The following KHDRBS3 variants were observed in gnomAD, a reference collection of about 807,000 sequenced individuals.
KHDRBS3 encodes KH RNA binding domain containing, signal transduction associated 3, also known as KH domain-containing, RNA-binding, signal transduction-associated protein 3.
KHDRBS3 carries 23 observed loss-of-function variants against 45.6 expected under a neutral mutation model. The observed-to-expected ratio is 0.50, with a 90% CI of 0.36 to 0.72. KHDRBS3 has a LOEUF of 0.72. KHDRBS3 is among the 30% of genes least tolerant of loss of function. KHDRBS3 has a pLI of 0.00. For synonymous variants in KHDRBS3, 162 were observed against 156.5 expected (o/e 1.04, Z -0.26); for missense variants, 352 against 424.8 (o/e 0.83, Z 1.51).
intron 2 of KHDRBS3, among the ~76,000 whole-genome samples, chr8:135,534,380 C>T (rs1825631545): frequency 6.6e-6 from 1 of 152,120 alleles, no homozygotes; most frequent in South Asian, 2.1e-4. Flanking sequence ...GTGATTAATA[C>T]TTTCGGGGCA....
intron 1 of KHDRBS3, among the ~76,000 whole-genome samples, chr8:135,460,939 A>G (rs996539127): frequency 6.6e-6 from 1 of 152,226 alleles, no homozygotes; most frequent in Non-Finnish European, 1.5e-5. Flanking sequence ...TTCTTGAGCT[A>G]GGATGACAAT....
chr8:135,633,484 C>G (rs1050034362), intron 7 of KHDRBS3, among the ~76,000 whole-genome samples: 8 of 152,282 alleles, frequency 5.3e-5, no homozygotes, highest in African/African-American at 1.9e-4. Context: ...TCAGGTGAGT[C>G]TGCTTTCCTC....
chr8:135,578,989 T>C (rs1428551450), intron 5 of KHDRBS3, among the ~76,000 whole-genome samples: 1 of 152,210 alleles, frequency 6.6e-6, no homozygotes, highest in Admixed American at 6.5e-5. Flanking sequence ...ATTCCAATTA[T>C]TTATTGCTGG....
chr8:135,594,237 G>A (rs1828874749), intron 6 of KHDRBS3, among the ~76,000 whole-genome samples: 1 of 152,206 alleles, frequency 6.6e-6, no homozygotes, highest in Non-Finnish European at 1.5e-5. Context: ...GTTGGGTTGG[G>A]TGACAGAAGT....
chr8:135,490,062 C>T (rs2130406846), intron 1 of KHDRBS3, among the ~76,000 whole-genome samples: 1 of 152,312 alleles, frequency 6.6e-6, no homozygotes, highest in Middle Eastern at 3.4e-3. Context: ...TAACATGCCA[C>T]ATGCCATACA....
chr8:135,587,029 G>T (rs1483241458), intron 6 of KHDRBS3, among the ~76,000 whole-genome samples: 1 of 152,134 alleles, frequency 6.6e-6, no homozygotes, highest in Admixed American at 6.5e-5. Context: ...TTAGTCAACG[G>T]TATCTGTTCT....
chr8:135,464,886 G>A (rs1486501288), intron 1 of KHDRBS3, among the ~76,000 whole-genome samples: 1 of 152,146 alleles, frequency 6.6e-6, no homozygotes, highest in African/African-American at 2.4e-5. Flanking sequence ...CACTATGTAG[G>A]GCACCTGTTA....
intron 5 of KHDRBS3, among the ~76,000 whole-genome samples, chr8:135,575,167 G>A (rs1168184952): frequency 3.9e-5 from 6 of 152,136 alleles, no homozygotes; most frequent in South Asian, 2.1e-4. Flanking sequence ...GTGAGCTGAC[G>A]AAAAAGTGTT....
intron 7 of KHDRBS3, chr8:135,625,607 G>A: frequency 1.1e-6 from 1 of 945,036 alleles, no homozygotes; most frequent in South Asian, 1.3e-5. Flanking sequence ...GGCAGCCACA[G>A]GGTCAGTCTT....
intron 1 of KHDRBS3, among the ~76,000 whole-genome samples, chr8:135,466,871 C>CTG (rs1401271030): frequency 1.8e-4 from 28 of 152,172 alleles, no homozygotes; most frequent in African/African-American, 6.3e-4. Context: ...CTGAGTTGAC[C>CTG]TGTGTGTTCT....
intron 6 of KHDRBS3, among the ~76,000 whole-genome samples, chr8:135,587,703 G>C (rs750246538): frequency 8.5e-5 from 13 of 152,138 alleles, no homozygotes; most frequent in Non-Finnish European, 1.3e-4. Context: ...AATTTAAAAT[G>C]CTGGTGTAAT....
At chr8:135,619,553 G>A (rs1001918203) in intron 7 of KHDRBS3, among the ~76,000 whole-genome samples, 1 of 152,196 alleles carries the variant, frequency 6.6e-6, no homozygotes, top group African/African-American at 2.4e-5. Context: ...AGAGTAAAAT[G>A]GGGATGACAA....
intron 1 of KHDRBS3, among the ~76,000 whole-genome samples, chr8:135,473,738 G>T (rs922011661): frequency 1.3e-5 from 2 of 152,122 alleles, no homozygotes; most frequent in Admixed American, 1.3e-4. Context: ...GAGCTCAGGG[G>T]CTTTCTTATT....
intron 5 of KHDRBS3, among the ~76,000 whole-genome samples, chr8:135,571,387 G>A (rs1827696124): frequency 6.6e-6 from 1 of 152,138 alleles, no homozygotes; most frequent in African/African-American, 2.4e-5. Flanking sequence ...AAAATCATCT[G>A]TTTCTGAAGC....
In KHDRBS3 at chr8:135,620,740, A is replaced by G. The variant is rs149883889; in HGVS notation, c.890+13703A>G. Among the ~76,000 whole-genome samples the G allele has an allele frequency of 2.1e-3, 314 of 152,296 alleles. 1 individual carries two copies. Among genetic ancestry groups the G allele is most frequent in the African/African-American group, 7.2e-3 (300 of 41,558 alleles). On this transcript the variant is annotated intron_variant, in intron 7 of 8. Coordinates refer to ENST00000355849, the MANE Select transcript of KHDRBS3 (RefSeq NM_006558.3). ...CTTGGATGAGTAGTTACACCATCCAACAACCCTCGGTGATTCTCCTCACCT... is the reference window on the plus strand; with the variant it reads ...CTTGGATGAGTAGTTACACCATCCAGCAACCCTCGGTGATTCTCCTCACCT...
At chr8:135,507,345 T>A (rs1345105717) in intron 1 of KHDRBS3, among the ~76,000 whole-genome samples, 1 of 152,240 alleles carries the variant, frequency 6.6e-6, no homozygotes, top group African/African-American at 2.4e-5. Flanking sequence ...GTATTTATTC[T>A]TTGATTCTGT....
chr8:135,523,510 G>C (rs972257504), intron 2 of KHDRBS3, among the ~76,000 whole-genome samples: 1 of 151,830 alleles, frequency 6.6e-6, no homozygotes, highest in African/African-American at 2.4e-5. Flanking sequence ...TTGTTTTGTA[G>C]ACTTCTTAGG....
intron 7 of KHDRBS3, among the ~76,000 whole-genome samples, chr8:135,643,971 T>C (rs1831177963): frequency 6.6e-6 from 1 of 152,222 alleles, no homozygotes; most frequent in African/African-American, 2.4e-5. Flanking sequence ...TTTTCCATTT[T>C]GATTAGAAAC....
rs1392991158 is a variant in KHDRBS3 at position 135,536,282 on chromosome 8, A to T, written c.208-6372A>T. Among the ~76,000 whole-genome samples, 3 of 115,892 alleles carry T rather than the reference A, an allele frequency of 2.6e-5. No individual in the cohort carries two copies. The Admixed American group carries it at 3.8e-4, about 15-fold the overall frequency. The allele number at this position is 115,892 out of a possible 152,430, so 76.0% of individuals were successfully genotyped here. On this transcript the variant is annotated intron_variant, in intron 2 of 8. Transcript: ENST00000355849. ...TTTTTTATTATTGTTTAAAAGGTGG[A>T]TGTGACGTTCCTTCCAACTCTGTAC... is the stretch of plus-strand genomic sequence containing the variant.
Sources: allele counts gnomAD v4.1 joint callset (sites outside exome capture counted in the v4.1 genomes callset), GRCh38; gene constraint gnomAD v4.1.1; transcripts MANE v1.5; gene names NCBI Gene and HGNC (gene_info 2026-07-23, HGNC 2026-07-21).